Variants in SMYD3 observed in about 807,000 individuals in gnomAD.
SMYD3 encodes the protein SET and MYND domain containing 3, also known as histone-lysine N-methyltransferase SMYD3.
In SMYD3, 36 loss-of-function variants were observed where a neutral mutation model predicts 57.7. That is an observed-to-expected ratio of 0.62 (90% confidence interval 0.48 to 0.82). The LOEUF is 0.82. Ranked by LOEUF, SMYD3 falls within the 40% of genes least tolerant of loss-of-function variation. SMYD3 has a pLI of 0.00. For synonymous variants in SMYD3, 211 were observed against 195.0 expected (o/e 1.08, Z -0.68); for missense variants, 515 against 538.8 (o/e 0.96, Z 0.44).
intron 1 of SMYD3, among the ~76,000 whole-genome samples, chr1:246,370,694 C>G (rs1015548653): frequency 2.6e-5 from 4 of 152,202 alleles, no homozygotes; most frequent in African/African-American, 9.6e-5. Flanking sequence ...TTGTCCATCT[C>G]TATCAGAAAA....
intron 5 of SMYD3, among the ~76,000 whole-genome samples, chr1:246,028,703 A>T (rs779110422): frequency 6.6e-6 from 1 of 152,198 alleles, no homozygotes; most frequent in Non-Finnish European, 1.5e-5. Context: ...ATACCAAACC[A>T]CATGTTTCAC....
At chr1:246,379,657 C>T (rs2066355445) in intron 1 of SMYD3, among the ~76,000 whole-genome samples, 1 of 152,150 alleles carries the variant, frequency 6.6e-6, no homozygotes, top group African/African-American at 2.4e-5. Context: ...AATACAATAA[C>T]AATGAACCTA....
chr1:246,080,024 C>T (rs1291047354), intron 5 of SMYD3, among the ~76,000 whole-genome samples: 1 of 152,118 alleles, frequency 6.6e-6, no homozygotes, highest in African/African-American at 2.4e-5. Flanking sequence ...ATTTTTCAAC[C>T]CTTTGGGACA....
At chr1:246,295,384 T>C (rs1327650534) in intron 5 of SMYD3, among the ~76,000 whole-genome samples, 1 of 152,174 alleles carries the variant, frequency 6.6e-6, no homozygotes, top group African/African-American at 2.4e-5. Flanking sequence ...AAAGTGTTTG[T>C]TTTCTTAATA....
At chr1:246,387,813 G>C (rs58849746) in intron 1 of SMYD3, among the ~76,000 whole-genome samples, 8,111 of 146,124 alleles carry the variant, frequency 0.056, 745 homozygotes, top group African/African-American at 0.15. Context: ...ACTGAAAATA[G>C]ACCAAAGCAG....
intron 10 of SMYD3, among the ~76,000 whole-genome samples, chr1:245,811,856 G>T (rs988089256): frequency 2.0e-5 from 3 of 152,124 alleles, no homozygotes; most frequent in Admixed American, 1.3e-4. Flanking sequence ...ATAAACTGAG[G>T]CTCTGAAAGG....
At chr1:246,009,190 A>G (rs2059232403) in intron 5 of SMYD3, among the ~76,000 whole-genome samples, 1 of 152,238 alleles carries the variant, frequency 6.6e-6, no homozygotes, top group African/African-American at 2.4e-5. Flanking sequence ...TTAATATAGC[A>G]TCCTTCAAGG....
intron 5 of SMYD3, among the ~76,000 whole-genome samples, chr1:246,037,976 C>T (rs1003887728): frequency 1.3e-5 from 2 of 152,152 alleles, no homozygotes; most frequent in African/African-American, 4.8e-5. Context: ...TCAATTCTGC[C>T]ACCATAGGGT....
In SMYD3 at chr1:245,954,959, A is replaced by G. The variant is rs142402012; in HGVS notation, c.532-25022T>C. ...GAGATCTACCCAGTAGTTGCAGAAT[A>G]AAGACAAAATTCTCTCGTGTGACAT... On this transcript the variant is annotated intron_variant, in intron 5 of 11. Transcript: ENST00000490107. Among the ~76,000 whole-genome samples, 682 of 152,324 alleles carry G rather than the reference A, an allele frequency of 4.5e-3. 5 individuals are homozygous for G. The highest frequency in any genetic ancestry group is 0.015 in the African/African-American group (640 of 41,564).
At chr1:246,016,426 T>C (rs1193795211) in intron 5 of SMYD3, among the ~76,000 whole-genome samples, 1 of 148,100 alleles carries the variant, frequency 6.8e-6, no homozygotes, top group African/African-American at 2.5e-5. Context: ...CTACTAAAAA[T>C]ACAAAAATTA....
intron 5 of SMYD3, among the ~76,000 whole-genome samples, chr1:246,084,434 T>G (rs568213176): frequency 1.3e-5 from 2 of 152,252 alleles, no homozygotes; most frequent in African/African-American, 4.8e-5. Context: ...CAGGCTGGTC[T>G]TCAACTCCTG....
At chr1:245,846,248 C>T (rs562720273) in intron 10 of SMYD3, among the ~76,000 whole-genome samples, 41 of 152,300 alleles carry the variant, frequency 2.7e-4, no homozygotes, top group Non-Finnish European at 3.5e-4. Context: ...GTCAGTCCGA[C>T]GGCCCAGACT....
intron 10 of SMYD3, among the ~76,000 whole-genome samples, chr1:245,773,706 C>A (rs905336374): frequency 7.2e-5 from 11 of 152,262 alleles, no homozygotes; most frequent in African/African-American, 2.6e-4. Context: ...TGAAGGATTT[C>A]AAAAAGGCTG....
intron 5 of SMYD3, among the ~76,000 whole-genome samples, chr1:246,187,879 T>C (rs1399875353): frequency 6.6e-6 from 1 of 151,996 alleles, no homozygotes; most frequent in Non-Finnish European, 1.5e-5. Context: ...GACGGAAATA[T>C]TACAAGAAGT....
At chr1:245,817,278 C>A (rs1167570177) in intron 10 of SMYD3, among the ~76,000 whole-genome samples, 5 of 142,668 alleles carry the variant, frequency 3.5e-5, no homozygotes. Flanking sequence ...CACCCCCCAG[C>A]AGGGGCACAC....
At chr1:245,949,825 A>ACCCCCCCCCCCCCCCC (rs376505931) in intron 5 of SMYD3, among the ~76,000 whole-genome samples, 53 of 93,264 alleles carry the variant, frequency 5.7e-4, no homozygotes, top group Non-Finnish European at 7.8e-4. Context: ...AAAGAAACCC[A>ACCCCCCCCCCCCCCCC]CCCCCCCCAC....
At chr1:246,292,580 T>C (rs1454106223) in intron 5 of SMYD3, among the ~76,000 whole-genome samples, 1 of 152,208 alleles carries the variant, frequency 6.6e-6, no homozygotes, top group Non-Finnish European at 1.5e-5. Context: ...ATAAATATAT[T>C]GCTAATAAAA....
intron 10 of SMYD3, among the ~76,000 whole-genome samples, chr1:245,844,336 T>C (rs1433392273): frequency 6.6e-6 from 1 of 152,074 alleles, no homozygotes; most frequent in Non-Finnish European, 1.5e-5. Context: ...GTTGATACTA[T>C]ACTTAAAATA....
intron 10 of SMYD3, among the ~76,000 whole-genome samples, chr1:245,772,863 G>C (rs1316500390): frequency 6.6e-6 from 1 of 152,062 alleles, no homozygotes; most frequent in East Asian, 1.9e-4. Context: ...TAGAATGAAG[G>C]AGATACAAGA....
Sources: gnomAD v4.1 joint callset for allele counts (sites outside exome capture counted in the v4.1 genomes callset) on GRCh38, gnomAD v4.1.1 for gene constraint, MANE v1.5 for transcripts, NCBI Gene and HGNC (gene_info 2026-07-23, HGNC 2026-07-21) for gene names.